USP6NL: variants seen among roughly 807,000 people sequenced by gnomAD.
USP6NL encodes USP6 N-terminal-like protein.
A neutral mutation model predicts 61.9 loss-of-function variants in USP6NL; 26 were observed. The ratio of observed to expected loss-of-function variants is 0.42; its 90% confidence interval spans 0.31 to 0.58. USP6NL has a LOEUF of 0.58. Among genes scored for constraint, USP6NL ranks in the 20% least tolerant of loss-of-function variants. USP6NL has a pLI of 0.16. For missense variants in USP6NL, 1,114 were observed against 1,034.3 expected, an observed-to-expected ratio of 1.08 and a Z score of -1.06; for synonymous variants, 432 against 390.1, an observed-to-expected ratio of 1.11 and a Z score of -1.27.
intron 4 of USP6NL, among the ~76,000 whole-genome samples, chr10:11,524,044 G>A (rs148172366): frequency 7.2e-5 from 11 of 152,244 alleles, no homozygotes; most frequent in Non-Finnish European, 1.3e-4. Context: ...TGTCACGTGC[G>A]TAGCCAAGTT....
rs1838003668 is a variant in USP6NL at position 11,587,218 on chromosome 10, T to A, written c.4+10413A>T. ...GTTTATACTAAAATTAAAACAATTA[T>A]TATTTATTCAAAATTACAATTCTCT... On this transcript the variant is annotated intron_variant, in intron 2 of 14. Transcript: ENST00000609104. This position sits in a 1 kb window ranked among gnomAD's most constrained non-coding sequence, Gnocchi z 4.5. Among the ~76,000 whole-genome samples, 1 of 152,216 alleles carries A rather than the reference T, an allele frequency of 6.6e-6. No homozygotes were observed. The highest frequency in any genetic ancestry group is 1.5e-5 in the Non-Finnish European group (1 of 68,034).
rs2133478503 is a variant in USP6NL at position 11,548,025 on chromosome 10, A to C, written c.5-20458T>G. ...CACAAATGATGATATCCCCTCGATA[A>C]CATCTCTTAATAAGTGATCACTCAA... On this transcript the variant is annotated intron_variant, in intron 2 of 14. Coordinates refer to ENST00000609104, the MANE Select transcript of USP6NL (RefSeq NM_014688.5). This position sits in a 1 kb window ranked among gnomAD's most constrained non-coding sequence, Gnocchi z 4.3. Among the ~76,000 whole-genome samples the C allele has an allele frequency of 6.6e-6, 1 of 152,326 alleles. No individual in the cohort carries two copies. The highest frequency in any genetic ancestry group is 1.9e-4 in the East Asian group (1 of 5,194).
At chr10:11,493,343 G>A (rs890557379) in intron 7 of USP6NL, 115 bp from the exon 8 acceptor site, 1 of 832,034 alleles carries the variant, frequency 1.2e-6, no homozygotes, top group Non-Finnish European at 1.8e-6. Flanking sequence ...TCACTCAATG[G>A]TTAAAAAAAA....
At position 11,518,155 on chromosome 10, in the gene USP6NL, G is replaced by T. The variant is rs1196031401; in HGVS notation, c.195+380C>A. On this transcript the variant is annotated intron_variant, in intron 5 of 14. Coordinates refer to ENST00000609104, the MANE Select transcript of USP6NL (RefSeq NM_014688.5). This position sits in a 1 kb window ranked among gnomAD's most constrained non-coding sequence, Gnocchi z 5.3. ...TCAAAGAACTGCTGGTCTTAGAATGGTGCTTTATTTGCCACAGGGTACATG... is the reference window on the plus strand; with the variant it reads ...TCAAAGAACTGCTGGTCTTAGAATGTTGCTTTATTTGCCACAGGGTACATG... Among the ~76,000 whole-genome samples the T allele has an allele frequency of 1.3e-5, 2 of 152,140 alleles. No individual in the cohort carries two copies. The highest frequency in any genetic ancestry group is 2.4e-5 in the African/African-American group (1 of 41,408).
chr10:11,584,957 AC>A (rs909412562), intron 2 of USP6NL, among the ~76,000 whole-genome samples: 10 of 152,128 alleles, frequency 6.6e-5, no homozygotes, highest in African/African-American at 2.4e-4. Flanking sequence ...AAAGAAACAA[AC>A]AAAAAACCAT....
chr10:11,602,580 A>G lies in USP6NL; in HGVS notation c.-83-4863T>C, dbSNP rs904829657. On this transcript the variant is annotated intron_variant, in intron 1 of 14. Coordinates refer to ENST00000609104, the MANE Select transcript of USP6NL (RefSeq NM_014688.5). The surrounding 1 kb of genome is among the most constrained non-coding windows in gnomAD (Gnocchi z 4.8). ...TTTCAGTACCCTCCTTCCTTCATTGAGATTCACGGTTCATTAGTTCAAATA... is the reference window on the plus strand; with the variant it reads ...TTTCAGTACCCTCCTTCCTTCATTGGGATTCACGGTTCATTAGTTCAAATA... 6.6e-6 allele frequency among the ~76,000 whole-genome samples: 1 copy of G among 152,152 alleles called. No homozygotes were observed. The highest frequency in any genetic ancestry group is 2.4e-5 in the African/African-American group (1 of 41,410).
Position 11,489,022 on chromosome 10 carries a change from C to T in USP6NL, c.664+80G>A, listed in dbSNP as rs578105260. On this transcript the variant is annotated intron_variant, in intron 10 of 14. Coordinates refer to ENST00000609104, the MANE Select transcript of USP6NL (RefSeq NM_014688.5). This position sits in a 1 kb window ranked among gnomAD's most constrained non-coding sequence, Gnocchi z 5.7. Reference sequence around the variant, plus strand: ...GACATTAAATTTGCTGTATGTAACTCTTGCAAGCATCTTTGGTTTTGTTTT... The same window carrying T: ...GACATTAAATTTGCTGTATGTAACTTTTGCAAGCATCTTTGGTTTTGTTTT... 1.6e-4 allele frequency: 244 copies of T among 1,567,644 alleles called. 3 individuals are homozygous for T. The African/African-American group carries it at 3.0e-3, about 19-fold the overall frequency.
intron 2 of USP6NL, among the ~76,000 whole-genome samples, chr10:11,535,898 A>G (rs911957955): frequency 8.5e-5 from 13 of 152,198 alleles, no homozygotes; most frequent in Admixed American, 5.9e-4. Context: ...AATAAAGATT[A>G]TTTTACATGT....
rs1838569202 is a variant in USP6NL at position 11,602,488 on chromosome 10, T to A, written c.-83-4771A>T. 6.6e-6 allele frequency among the ~76,000 whole-genome samples: 1 copy of A among 152,196 alleles called. No individual in the cohort carries two copies. The highest frequency in any genetic ancestry group is 2.4e-5 in the African/African-American group (1 of 41,452). On this transcript the variant is annotated intron_variant, in intron 1 of 14. Transcript: ENST00000609104. This position sits in a 1 kb window ranked among gnomAD's most constrained non-coding sequence, Gnocchi z 4.8. ...AGCTATTATGAGCCAGGCAGTGTAC[T>A]AGGCACCGCAGACACTGCCAAGAAC...
In USP6NL at chr10:11,487,048, T is replaced by TAA; in HGVS notation, c.665-1139_665-1138dup. Among the ~76,000 whole-genome samples, 1 of 145,548 alleles carries TAA rather than the reference T, an allele frequency of 6.9e-6. No homozygotes were observed. Among genetic ancestry groups the TAA allele is most frequent in the Non-Finnish European group, 1.5e-5 (1 of 65,906 alleles). The stretch of plus-strand genomic sequence containing the variant: ...ATATTTTTCAGTGAAATTGTTTCAT[T>TAA]AAAAAAAAAAAATCCGTATCTATCA... On this transcript the variant is annotated intron_variant, in intron 10 of 14. Transcript: ENST00000609104. This position sits in a 1 kb window ranked among gnomAD's most constrained non-coding sequence, Gnocchi z 4.2.
intron 14 of USP6NL, among the ~76,000 whole-genome samples, chr10:11,467,914 G>T (rs1259463489): frequency 6.6e-6 from 1 of 152,204 alleles, no homozygotes; most frequent in African/African-American, 2.4e-5. Context: ...ACATAAATCT[G>T]CAGTTTTGGT....
In USP6NL at chr10:11,532,117, A is replaced by G. The variant is rs1249134154; in HGVS notation, c.5-4550T>C. 2.5e-6 allele frequency: 3 copies of G among 1,209,782 alleles called. No individual in the cohort carries two copies. Among genetic ancestry groups the G allele is most frequent in the African/African-American group, 3.1e-5 (2 of 64,974 alleles). 74.9% of individuals were successfully genotyped at this position (1,209,782 alleles called of 1,614,324 possible). A position where few individuals can be genotyped will look rare whatever the true frequency, so the allele number is the denominator to read the frequency against. ...ATTTACAGCAGACCATTTTTCCTAG[A>G]GTACATTTTGACAGATGAACGTTAA... On this transcript the variant is annotated intron_variant, in intron 2 of 14. Transcript: ENST00000609104. This position sits in a 1 kb window ranked among gnomAD's most constrained non-coding sequence, Gnocchi z 4.1.
At chr10:11,610,841 C>G (rs547998639) in intron 1 of USP6NL, among the ~76,000 whole-genome samples, 1 of 152,068 alleles carries the variant, frequency 6.6e-6, no homozygotes, top group Non-Finnish European at 1.5e-5. Flanking sequence ...TCCTACGCGT[C>G]CCGCATTTTC....
intron 2 of USP6NL, among the ~76,000 whole-genome samples, chr10:11,530,617 G>A (rs1193367588): frequency 6.6e-6 from 1 of 152,130 alleles, no homozygotes; most frequent in East Asian, 1.9e-4. Flanking sequence ...GTTACCCCAT[G>A]GGGAGAAAAT....
At chr10:11,498,805 A>T (rs773355079) in intron 7 of USP6NL, among the ~76,000 whole-genome samples, 1 of 152,094 alleles carries the variant, frequency 6.6e-6, no homozygotes, top group Non-Finnish European at 1.5e-5. Flanking sequence ...TCCCACCAAG[A>T]CACCTCCTAC....
intron 2 of USP6NL, among the ~76,000 whole-genome samples, chr10:11,547,701 C>T (rs773140797): frequency 6.6e-5 from 10 of 152,118 alleles, no homozygotes; most frequent in Non-Finnish European, 1.3e-4. Context: ...CCATCACGCC[C>T]AGCTAATTTT....
rs546851259 is a variant in USP6NL at position 11,468,399 on chromosome 10, G to A, written c.1079-4550C>T. On this transcript the variant is annotated intron_variant, in intron 14 of 14. Coordinates refer to ENST00000609104, the MANE Select transcript of USP6NL (RefSeq NM_014688.5). The surrounding 1 kb of genome is among the most constrained non-coding windows in gnomAD (Gnocchi z 4.5). ...TCCTCCTATCAATATTTATTCAAAT[G>A]TTCTCATTCTAAAACCTCTTTTTCA... 6.6e-6 allele frequency among the ~76,000 whole-genome samples: 1 copy of A among 152,278 alleles called. No homozygotes were observed. The highest frequency in any genetic ancestry group is 2.1e-4 in the South Asian group (1 of 4,822).
Position 11,490,723 on chromosome 10 carries a change from T to C in USP6NL, c.543+109A>G, listed in dbSNP as rs756157889. 7.4e-6 allele frequency: 8 copies of C among 1,088,358 alleles called. No individual in the cohort carries two copies. Among genetic ancestry groups the C allele is most frequent in the Middle Eastern group, 2.0e-4 (1 of 5,044 alleles). 67.4% of individuals were successfully genotyped at this position (1,088,358 alleles called of 1,614,324 possible). ...AAGATCCACAGAGCTAAAGAGACCA[T>C]GGAGACCACCTAGCTCTGAGATGCA... On this transcript the variant is annotated intron_variant, in intron 9 of 14. Coordinates refer to ENST00000609104, the MANE Select transcript of USP6NL (RefSeq NM_014688.5). This position sits in a 1 kb window ranked among gnomAD's most constrained non-coding sequence, Gnocchi z 4.5.
chr10:11,521,142 T>C (rs879189638), intron 4 of USP6NL, among the ~76,000 whole-genome samples: 2 of 152,062 alleles, frequency 1.3e-5, no homozygotes, highest in Admixed American at 1.3e-4. Context: ...GAACTTTCAT[T>C]TGGAAACTTA....
Sources: allele counts gnomAD v4.1 joint callset (sites outside exome capture counted in the v4.1 genomes callset), GRCh38; gene constraint gnomAD v4.1.1; non-coding constraint Gnocchi (gnomAD v3.1); transcripts MANE v1.5; gene names NCBI Gene and HGNC (gene_info 2026-07-23, HGNC 2026-07-21).